SND1: variants seen among roughly 807,000 people sequenced by gnomAD.
SND1 encodes the protein staphylococcal nuclease and tudor domain containing 1, also known as staphylococcal nuclease domain-containing protein 1.
A neutral mutation model predicts 121.7 loss-of-function variants in SND1; 38 were observed. The ratio of observed to expected loss-of-function variants is 0.31; its 90% CI spans 0.24 to 0.41. SND1 has a LOEUF of 0.41. Ranked by LOEUF, SND1 falls within the 10% of genes least tolerant of loss-of-function variation. SND1 has a pLI of 1.00. For missense variants in SND1, 868 were observed against 1,184.6 expected, an observed-to-expected ratio of 0.73 and a Z score of 3.92; for synonymous variants, 401 against 447.4, an observed-to-expected ratio of 0.90 and a Z score of 1.31.
chr7:127,981,318 T>C (rs537812089), intron 15 of SND1, among the ~76,000 whole-genome samples: 1 of 152,248 alleles, frequency 6.6e-6, no homozygotes, highest in Admixed American at 6.5e-5. Flanking sequence ...CCATGCCCAG[T>C]TGTTCTTTCT....
At chr7:128,074,470 C>A (rs1202550537) in intron 16 of SND1, 32 bp from the exon 17 acceptor site, 1 of 1,582,500 alleles carries the variant, frequency 6.3e-7, no homozygotes, top group Admixed American at 1.7e-5. Context: ...AGGCCTGGCC[C>A]CCACAGGCTT....
intron 14 of SND1, among the ~76,000 whole-genome samples, chr7:127,914,687 G>A (rs1213045424): frequency 1.3e-5 from 2 of 152,138 alleles, no homozygotes; most frequent in South Asian, 2.1e-4. Context: ...TGGCTGTACT[G>A]GTTAGTAACT....
chr7:127,933,779 G>A (rs1185864206), intron 15 of SND1, among the ~76,000 whole-genome samples: 1 of 152,140 alleles, frequency 6.6e-6, no homozygotes. Flanking sequence ...ACATAGCTAT[G>A]GCTCTACCAT....
chr7:127,902,975 G>C (rs537393881), intron 13 of SND1, among the ~76,000 whole-genome samples: 25 of 151,878 alleles, frequency 1.6e-4, no homozygotes, highest in Admixed American at 5.9e-4. Flanking sequence ...TCCACCTCCC[G>C]GGTTCAAGGA....
At chr7:127,819,104 A>G (rs956632178) in intron 11 of SND1, among the ~76,000 whole-genome samples, 4 of 152,224 alleles carry the variant, frequency 2.6e-5, no homozygotes, top group Admixed American at 2.0e-4. Flanking sequence ...TAGGGAGAGA[A>G]TGTAAGCAAA....
chr7:128,008,765 A>T (rs1270787720), intron 16 of SND1, among the ~76,000 whole-genome samples: 1 of 152,064 alleles, frequency 6.6e-6, no homozygotes, highest in Non-Finnish European at 1.5e-5. Flanking sequence ...GAGGCAGGTT[A>T]CCCTTCTTGT....
At chr7:127,817,341 C>G (rs766974876) in intron 11 of SND1, among the ~76,000 whole-genome samples, 2 of 152,144 alleles carry the variant, frequency 1.3e-5, no homozygotes, top group Non-Finnish European at 2.9e-5. Context: ...GTCTCAGCTT[C>G]CAGTCATAAC....
Position 127,996,606 on chromosome 7 carries a change from C to A in SND1, c.1779+5550C>A, listed in dbSNP as rs374330579. Among the ~76,000 whole-genome samples, 12 of 152,302 alleles carry A rather than the reference C, an allele frequency of 7.9e-5. No homozygotes were observed. In the East Asian group the frequency reaches 2.1e-3, roughly 27 times the overall value. ...GGAAATTCCAAGAAAGTAATGGACG[C>A]CCAGTGAGGGTGAATCCAGTGCAAC... On this transcript the variant is annotated intron_variant, in intron 16 of 23. Coordinates refer to ENST00000354725, the MANE Select transcript of SND1 (RefSeq NM_014390.4).
intron 15 of SND1, among the ~76,000 whole-genome samples, chr7:127,980,942 C>T (rs1217996144): frequency 6.6e-6 from 1 of 152,118 alleles, no homozygotes; most frequent in Non-Finnish European, 1.5e-5. Flanking sequence ...GAATAGGAAC[C>T]TTTGGTGCCA....
chr7:127,777,943 T>C (rs911465116), intron 10 of SND1, among the ~76,000 whole-genome samples: 3 of 152,162 alleles, frequency 2.0e-5, no homozygotes, highest in Non-Finnish European at 4.4e-5. Context: ...ATGCTGTGTT[T>C]TTGTTGTGTG....
In SND1 at chr7:127,793,057, A is replaced by G. The variant is rs1158449345; in HGVS notation, c.1153-14427A>G. Among the ~76,000 whole-genome samples, 3 of 152,272 alleles carry G rather than the reference A, an allele frequency of 2.0e-5. No individual in the cohort carries two copies. The East Asian group carries it at 5.8e-4, about 29-fold the overall frequency. On this transcript the variant is annotated intron_variant, in intron 10 of 23. Transcript: ENST00000354725. ...TTTGAAACTGCATCACAGTAGCTTCATAATGGGCATAACTACTAGATCCAA... is the reference window on the plus strand; with the variant it reads ...TTTGAAACTGCATCACAGTAGCTTCGTAATGGGCATAACTACTAGATCCAA...
At chr7:127,708,262 A>G (rs1796237100) in intron 9 of SND1, among the ~76,000 whole-genome samples, 1 of 151,558 alleles carries the variant, frequency 6.6e-6, no homozygotes, top group South Asian at 2.1e-4. Context: ...TAACCTAAGC[A>G]AAAGTAGGCT....
chr7:127,998,507 T>C (rs1284222985), intron 16 of SND1: 1 of 155,504 alleles, frequency 6.4e-6, no homozygotes, highest in African/African-American at 2.4e-5. Context: ...GTTTCTGTTT[T>C]GTGGATTAGA....
Position 127,929,809 on chromosome 7 carries a change from C to T in SND1, c.1669+480C>T, listed in dbSNP as rs530719680. ...TTAAGATCCCAGTCCTTTATGAAAC[C>T]CCAGCCATGACGTTGCTTTCACACG... On this transcript the variant is annotated intron_variant, in intron 15 of 23. Transcript: ENST00000354725. 5.9e-5 allele frequency among the ~76,000 whole-genome samples: 9 copies of T among 152,092 alleles called. No individual in the cohort carries two copies. The East Asian group carries it at 1.2e-3, about 20-fold the overall frequency.
rs922841917 is a variant in SND1 at position 128,092,249 on chromosome 7, C to T, written c.*191C>T. ...GACCCCAAGGCTTTCTGGGGCAGAC[C>T]CTTGTCCTCTGGGATGATGGGCACT... On this transcript the variant is annotated 3_prime_UTR_variant, in exon 24 of 24. Coordinates refer to ENST00000354725, the MANE Select transcript of SND1 (RefSeq NM_014390.4). This position sits in a 1 kb window ranked among gnomAD's most constrained non-coding sequence, Gnocchi z 4.9. The T allele has an allele frequency of 1.6e-6, 1 of 608,190 alleles. No individual in the cohort carries two copies. The highest frequency in any genetic ancestry group is 1.9e-5 in the African/African-American group (1 of 53,990). The allele number at this position is 608,190 out of a possible 1,614,324, so 37.7% of individuals were successfully genotyped here.
At chr7:127,896,716 G>A (rs972975158) in intron 13 of SND1, among the ~76,000 whole-genome samples, 3 of 152,118 alleles carry the variant, frequency 2.0e-5, no homozygotes, top group Non-Finnish European at 4.4e-5. Context: ...GTATGTCCCA[G>A]CTCTTTATTC....
intron 15 of SND1, among the ~76,000 whole-genome samples, chr7:127,959,725 C>G (rs1200041250): frequency 6.6e-6 from 1 of 152,192 alleles, no homozygotes; most frequent in Admixed American, 6.5e-5. Context: ...ACTGGCTTGT[C>G]TGTCTCTCTC....
chr7:127,846,018 C>G (rs1184891772), intron 12 of SND1, among the ~76,000 whole-genome samples: 1 of 152,182 alleles, frequency 6.6e-6, no homozygotes, highest in Non-Finnish European at 1.5e-5. Context: ...ACAGAGATTA[C>G]TCTTTCAGCC....
chr7:127,870,508 G>C (rs1201799807), intron 12 of SND1, among the ~76,000 whole-genome samples: 1 of 152,154 alleles, frequency 6.6e-6, no homozygotes, highest in Non-Finnish European at 1.5e-5. Context: ...ACACACAGAG[G>C]CTGTATGGTA....
Sources: allele counts gnomAD v4.1 joint callset (sites outside exome capture counted in the v4.1 genomes callset), GRCh38; gene constraint gnomAD v4.1.1; non-coding constraint Gnocchi (gnomAD v3.1); transcripts MANE v1.5; gene names NCBI Gene and HGNC (gene_info 2026-07-23, HGNC 2026-07-21).